The following PDE8B variants were observed in gnomAD, a reference collection of about 807,000 sequenced individuals.
The protein encoded by PDE8B is phosphodiesterase 8B.
A neutral mutation model predicts 101.3 loss-of-function variants in PDE8B; 26 were observed. The observed-to-expected ratio is 0.26, with a 90% CI of 0.19 to 0.36. The LOEUF is 0.36. Among genes scored for constraint, PDE8B ranks in the 10% least tolerant of loss-of-function variants. The pLI is 1.00. For missense variants in PDE8B, 810 were observed against 1,163.1 expected (o/e 0.70, Z 4.42); for synonymous variants, 424 against 429.3 (o/e 0.99, Z 0.15).
chr5:77,285,614 C>G (rs545267063), intron 1 of PDE8B, among the ~76,000 whole-genome samples: 1 of 152,146 alleles, frequency 6.6e-6, no homozygotes, highest in Non-Finnish European at 1.5e-5. Context: ...TTTGTTGACT[C>G]CTTAAATCTG....
At chr5:77,111,774 T>C in the PDE8B span, 2 of 152,146 alleles carry the variant, frequency 1.3e-5, no homozygotes, top group African/African-American at 2.4e-5. Flanking sequence ...AATCTCCTGA[T>C]TGCAGTGTCC....
intron 1 of PDE8B, chr5:77,246,720 C>A (rs1308654847): frequency 6.6e-6 from 1 of 152,084 alleles, no homozygotes; most frequent in East Asian, 1.9e-4. Flanking sequence ...TGTCTGGGGC[C>A]CTTTACAGAA....
At chr5:77,133,233 G>A in the PDE8B span, among the ~76,000 whole-genome samples, 3 of 152,208 alleles carry the variant, frequency 2.0e-5, no homozygotes, top group African/African-American at 7.2e-5. Flanking sequence ...AGAACAAACA[G>A]GCTGATGACT....
intron 11 of PDE8B, among the ~76,000 whole-genome samples, chr5:77,403,559 G>A (rs1792762088): frequency 6.6e-6 from 1 of 151,694 alleles, no homozygotes; most frequent in Admixed American, 6.6e-5. Context: ...TGAATATATT[G>A]TCTTTCAAGT....
At chr5:77,415,482 C>T (rs557967638) in intron 17 of PDE8B, among the ~76,000 whole-genome samples, 4 of 151,752 alleles carry the variant, frequency 2.6e-5, no homozygotes, top group South Asian at 2.1e-4. Flanking sequence ...CTCAGCCTCC[C>T]GAGTAGCTGG....
chr5:77,201,354 T>C, the PDE8B span, among the ~76,000 whole-genome samples: 1 of 152,228 alleles, frequency 6.6e-6, no homozygotes. Flanking sequence ...AGGCTCATTA[T>C]TGGTTCAGCA....
At position 77,225,848 on chromosome 5, in the gene PDE8B, G is replaced by GCACACACACA. The variant is rs3087185; in HGVS notation, c.339+14608_339+14617dup. Among the ~76,000 whole-genome samples, 1,391 of 144,306 alleles carry GCACACACACA rather than the reference G, an allele frequency of 9.6e-3. 17 individuals carry two copies. The highest frequency in any genetic ancestry group is 0.034 in the African/African-American group (1,291 of 38,344). The allele number at this position is 144,306 out of a possible 152,430, so 94.7% of individuals were successfully genotyped here. ...CATTTGTTAGATCCCACATGCGCGTGCACACACACACACACACACACACAC... is the reference window on the plus strand; with the variant it reads ...CATTTGTTAGATCCCACATGCGCGTGCACACACACACACACACACACACACACACACACAC... On this transcript the variant is annotated intron_variant, in intron 1 of 21. Transcript: ENST00000264917.
intron 6 of PDE8B, among the ~76,000 whole-genome samples, chr5:77,343,873 CTT>C (rs34017471): frequency 2.9e-3 from 362 of 126,502 alleles, no homozygotes; most frequent in Non-Finnish European, 4.2e-3. Context: ...ATTTTTAAAT[CTT>C]TTTTTTTTTT....
chr5:77,381,649 A>C (rs1326463834), intron 10 of PDE8B, among the ~76,000 whole-genome samples: 1 of 152,248 alleles, frequency 6.6e-6, no homozygotes, highest in East Asian at 1.9e-4. Context: ...TGACATGAAC[A>C]CATCATACTA....
chr5:77,203,531 T>G, the PDE8B span, among the ~76,000 whole-genome samples: 19 of 152,320 alleles, frequency 1.2e-4, no homozygotes, highest in South Asian at 3.5e-3. Context: ...GATGGATGGA[T>G]GGAAAAAGAA....
chr5:77,416,986 C>T (rs2151144789), intron 17 of PDE8B, among the ~76,000 whole-genome samples: 2 of 152,200 alleles, frequency 1.3e-5, no homozygotes, highest in South Asian at 4.1e-4. Context: ...TTCTTTCTGC[C>T]TGGAATTGCC....
intron 1 of PDE8B, among the ~76,000 whole-genome samples, chr5:77,268,310 A>G (rs1369829197): frequency 6.6e-6 from 1 of 152,188 alleles, no homozygotes. Flanking sequence ...CATAATAATC[A>G]CATCGGGGTA....
chr5:77,125,428 A>G, the PDE8B span, among the ~76,000 whole-genome samples: 1 of 152,222 alleles, frequency 6.6e-6, no homozygotes, highest in Non-Finnish European at 1.5e-5. Context: ...TTAAACAGAG[A>G]ATTACCATAT....
chr5:77,194,284 G>A, the PDE8B span, among the ~76,000 whole-genome samples: 1 of 152,134 alleles, frequency 6.6e-6, no homozygotes, highest in Non-Finnish European at 1.5e-5. Context: ...GTTAAAAAAA[G>A]TTTCCTTTCT....
At chr5:77,317,172 G>A (rs1349228888) in intron 2 of PDE8B, among the ~76,000 whole-genome samples, 1 of 152,104 alleles carries the variant, frequency 6.6e-6, no homozygotes, top group East Asian at 1.9e-4. Flanking sequence ...CTAACTTTCA[G>A]TGTATTGACA....
At position 77,295,859 on chromosome 5, in the gene PDE8B, A is replaced by G. The variant is rs142581696; in HGVS notation, c.340-16135A>G. On this transcript the variant is annotated intron_variant, in intron 1 of 21. Coordinates refer to ENST00000264917, the MANE Select transcript of PDE8B (RefSeq NM_003719.5). ...TTTCCATTTCTCCACTCTGCTTTCC[A>G]TGGTGTTGCTTTCGTTCTCACATGG... Among the ~76,000 whole-genome samples, 37 of 152,350 alleles carry G rather than the reference A, an allele frequency of 2.4e-4. No homozygotes were observed. In the East Asian group the frequency reaches 6.6e-3, roughly 27 times the overall value.
Position 77,283,024 on chromosome 5 carries a change from A to G in PDE8B, c.340-28970A>G, listed in dbSNP as rs1175513857. Among the ~76,000 whole-genome samples, 4 of 152,276 alleles carry G rather than the reference A, an allele frequency of 2.6e-5. No homozygotes were observed. In the East Asian group the frequency reaches 5.8e-4, roughly 22 times the overall value. The stretch of plus-strand genomic sequence containing the variant: ...CCAGGAACATTCTCCCAGAGTAGCA[A>G]TCTTATTAAATTCCCTGTAATATAC... On this transcript the variant is annotated intron_variant, in intron 1 of 21. Transcript: ENST00000264917.
At chr5:77,382,900 G>A (rs1450245612) in intron 10 of PDE8B, among the ~76,000 whole-genome samples, 2 of 152,126 alleles carry the variant, frequency 1.3e-5, no homozygotes, top group Admixed American at 6.5e-5. Flanking sequence ...ATAAACATAC[G>A]TATGCATGTG....
chr5:77,379,694 G>T (rs1787072160), intron 10 of PDE8B, among the ~76,000 whole-genome samples: 1 of 152,212 alleles, frequency 6.6e-6, no homozygotes, highest in African/African-American at 2.4e-5. Context: ...TTTAGGAGCT[G>T]CTTGGGTGCG....
Sources: allele counts gnomAD v4.1 joint callset (sites outside exome capture counted in the v4.1 genomes callset), GRCh38; gene constraint gnomAD v4.1.1; transcripts MANE v1.5; gene names NCBI Gene and HGNC (gene_info 2026-07-23, HGNC 2026-07-21).